Variants in CASZ1 observed in about 807,000 individuals in gnomAD.
CASZ1 encodes castor zinc finger 1, also known as zinc finger protein castor homolog 1.
A neutral mutation model predicts 135.2 loss-of-function variants in CASZ1; 28 were observed. The observed-to-expected ratio is 0.21, with a 90% CI of 0.15 to 0.28. CASZ1 has a LOEUF of 0.28. Among genes scored for constraint, CASZ1 ranks in the 10% least tolerant of loss-of-function variants. The pLI is 1.00. For synonymous variants in CASZ1, 1,068 were observed against 1,073.4 expected, an observed-to-expected ratio of 0.99 and a Z score of 0.10; for missense variants, 2,161 against 2,453.3, an observed-to-expected ratio of 0.88 and a Z score of 2.52.
At position 10,655,759 on chromosome 1, in the gene CASZ1, C is replaced by A. The variant is rs749998383; in HGVS notation, c.1555G>T (p.Asp519Tyr). The A allele has an allele frequency of 6.2e-7, 1 of 1,614,212 alleles. No homozygotes were observed. Among genetic ancestry groups the A allele is most frequent in the Admixed American group, 1.7e-5 (1 of 60,034 alleles). The part of the protein sequence containing the change: ...IRHYNMHKKR[D>Y]NSLQHGFMRF... ...ATGAAGCCGTGCTGCAGGGAGTTGT[C>A]GCGCTTCTTGTGCATGTTGTAGTGG... Residue 519 changes from aspartate to tyrosine, a missense_variant, in exon 9 of 21, where the codon GAC becomes TAC. By Grantham distance (160) the Asp-to-Tyr change is radical (BLOSUM62 -3). Around this residue, in one of 7 missense-constraint regions of CASZ1, gnomAD observed 248 missense variants for 410.8 expected, o/e 0.60. Transcript: ENST00000377022.
At chr1:10,663,859 C>G (rs966185764) in intron 5 of CASZ1, among the ~76,000 whole-genome samples, 46 of 152,224 alleles carry the variant, frequency 3.0e-4, no homozygotes, top group Non-Finnish European at 8.8e-5. Flanking sequence ...GCTCTCCACT[C>G]CTCTGGGGGA....
chr1:10,648,900 T>C, intron 15 of CASZ1, 170 bp downstream of exon 15: 2 of 853,334 alleles, frequency 2.3e-6, no homozygotes, highest in Non-Finnish European at 3.5e-6. Context: ...GAGGGCTGCA[T>C]GTGTGAAGGA....
At position 10,755,309 on chromosome 1, in the gene CASZ1, G is replaced by T. The variant is rs1162751845; in HGVS notation, c.-77+5392C>A. On this transcript the variant is annotated intron_variant, in intron 2 of 20. Coordinates refer to ENST00000377022, the MANE Select transcript of CASZ1 (RefSeq NM_001079843.3). The surrounding 1 kb of genome is among the most constrained non-coding windows in gnomAD (Gnocchi z 4.3). ...CCTGGCAGGAGACCGGAGAGGAGGAGCTTGAAGGTCTACACGAGGAGATGA... is the reference window on the plus strand; with the variant it reads ...CCTGGCAGGAGACCGGAGAGGAGGATCTTGAAGGTCTACACGAGGAGATGA... 6.6e-6 allele frequency among the ~76,000 whole-genome samples: 1 copy of T among 152,172 alleles called. No individual in the cohort carries two copies. The highest frequency in any genetic ancestry group is 2.4e-5 in the African/African-American group (1 of 41,440).
chr1:10,647,418 C>G lies in CASZ1; in HGVS notation c.3497+383G>C. 8.9e-7 allele frequency: 1 copy of G among 1,121,254 alleles called. No homozygotes were observed. Among genetic ancestry groups the G allele is most frequent in the Non-Finnish European group, 1.1e-6 (1 of 911,828 alleles). 69.5% of individuals were successfully genotyped at this position (1,121,254 alleles called of 1,614,324 possible). On this transcript the variant is annotated intron_variant, in intron 16 of 20. Transcript: ENST00000377022. The surrounding 1 kb of genome is among the most constrained non-coding windows in gnomAD (Gnocchi z 4.9). The stretch of plus-strand genomic sequence containing the variant: ...TTCACGTGCCCTGCAGAGATTCAGC[C>G]ATGGGTGTGAGCCACAGAGGAGGCC...
chr1:10,667,417 C>G (rs1643269675), intron 4 of CASZ1, among the ~76,000 whole-genome samples: 1 of 152,222 alleles, frequency 6.6e-6, no homozygotes, highest in South Asian at 2.1e-4. Flanking sequence ...CAAGCCGATG[C>G]CCACTCTACC....
At chr1:10,692,560 G>A (rs183952496) in intron 4 of CASZ1, among the ~76,000 whole-genome samples, 16 of 152,306 alleles carry the variant, frequency 1.1e-4, no homozygotes, top group Admixed American at 5.2e-4. Flanking sequence ...CCAGCAGGGG[G>A]TGTCACACCC....
chr1:10,662,952 C>T (rs1281941142), intron 5 of CASZ1, among the ~76,000 whole-genome samples: 5 of 152,228 alleles, frequency 3.3e-5, no homozygotes, highest in South Asian at 2.1e-4. Flanking sequence ...ACCCCATGGC[C>T]GAGCCGTGAC....
intron 4 of CASZ1, among the ~76,000 whole-genome samples, chr1:10,681,092 G>C (rs571907290): frequency 3.9e-5 from 6 of 152,266 alleles, no homozygotes; most frequent in African/African-American, 1.4e-4. Flanking sequence ...GTAGAGACGG[G>C]GTTTCGCCAT....
rs770262844 is a variant in CASZ1 at position 10,693,863 on chromosome 1, C to A, written c.16+11G>T. 1.2e-6 allele frequency: 2 copies of A among 1,612,870 alleles called. No homozygotes were observed. The highest frequency in any genetic ancestry group is 1.7e-6 in the Non-Finnish European group (2 of 1,179,130). ...TGAAAGAGCCGCCCCTGCGTTCCCA[C>A]CGGCCGGTACCTGTTCCAAGATCCA... On this transcript the variant is annotated intron_variant, in intron 4 of 20. Transcript: ENST00000377022.
At chr1:10,728,095 G>A (rs940816851) in intron 2 of CASZ1, among the ~76,000 whole-genome samples, 1 of 152,208 alleles carries the variant, frequency 6.6e-6, no homozygotes, top group African/African-American at 2.4e-5. Context: ...CTGGGTATGG[G>A]GCCTTCCAGT....
chr1:10,704,980 C>T (rs1639142009), intron 3 of CASZ1, among the ~76,000 whole-genome samples: 1 of 152,254 alleles, frequency 6.6e-6, no homozygotes, highest in East Asian at 1.9e-4. Flanking sequence ...GTGGCCTTCT[C>T]CCTGCCAGCC....
chr1:10,660,279 G>T lies in CASZ1; in HGVS notation c.763C>A (p.Pro255Thr). 6.2e-7 allele frequency: 1 copy of T among 1,613,910 alleles called. No homozygotes were observed. The highest frequency in any genetic ancestry group is 2.2e-5 in the East Asian group (1 of 44,876). ...TCCTCGGTCTTGGTGCTGGGGGCCG[G>T]CCAGGAGAGCTGCTCGCCAGCCTTG... is the stretch of plus-strand genomic sequence containing the variant. ...KLKAGEQLSWPAPSTKTEERV... is the reference protein window; with the variant it reads ...KLKAGEQLSWTAPSTKTEERV... The change falls in exon 6 of 21, where the codon CCG becomes ACG. Residue 255 changes from proline to threonine, a missense_variant. Physicochemically the swap from Pro to Thr is conservative, Grantham distance 38. Transcript: ENST00000377022.
At chr1:10,761,958 C>T (rs1202320135) in intron 1 of CASZ1, among the ~76,000 whole-genome samples, 1 of 152,194 alleles carries the variant, frequency 6.6e-6, no homozygotes, top group East Asian at 1.9e-4. Context: ...GCAGCAGCCA[C>T]AGCAGCTCTG....
At chr1:10,703,604 C>T (rs1297166440) in intron 3 of CASZ1, among the ~76,000 whole-genome samples, 7 of 152,092 alleles carry the variant, frequency 4.6e-5, no homozygotes, top group Non-Finnish European at 8.8e-5. Context: ...TGCCAGTCCA[C>T]GACCTGTGGG....
At chr1:10,790,536 C>T (rs1223996735) in intron 1 of CASZ1, among the ~76,000 whole-genome samples, 1 of 152,228 alleles carries the variant, frequency 6.6e-6, no homozygotes, top group Admixed American at 6.5e-5. Flanking sequence ...GGAGTCTCAG[C>T]ATCAGACTGG....
In CASZ1 at chr1:10,706,659, TAAG is replaced by T. The variant is rs1016167609; in HGVS notation, c.-76-1118_-76-1116del. Among the ~76,000 whole-genome samples, 6 of 152,260 alleles carry T rather than the reference TAAG, an allele frequency of 3.9e-5. No homozygotes were observed. The highest frequency in any genetic ancestry group is 2.0e-4 in the Admixed American group (3 of 15,310). On this transcript the variant is annotated intron_variant, in intron 2 of 20. Transcript: ENST00000377022. The surrounding 1 kb of genome is among the most constrained non-coding windows in gnomAD (Gnocchi z 4.3). ...GCTAATTGTACTTGACACGTCCTCTTAAGGAGGGCTCGGCTCTCCACCAGCTTT... is the reference window on the plus strand; with the variant it reads ...GCTAATTGTACTTGACACGTCCTCTTGAGGGCTCGGCTCTCCACCAGCTTT...
chr1:10,648,226 C>T, intron 15 of CASZ1, 87 bp from the exon 16 acceptor site: 3 of 968,208 alleles, frequency 3.1e-6, no homozygotes, highest in Admixed American at 2.9e-5. Context: ...CAGGCCTAGA[C>T]CCCGGTGTCC....
Position 10,725,730 on chromosome 1 carries a change from T to TA in CASZ1, c.-76-20187dup, listed in dbSNP as rs1341288900. Among the ~76,000 whole-genome samples the TA allele has an allele frequency of 4.0e-5, 6 of 151,362 alleles. No individual in the cohort carries two copies. The highest frequency in any genetic ancestry group is 6.6e-5 in the Admixed American group (1 of 15,226). ...TTCTGGAAAGCCCTTTTTTTTTTTT[T>TA]ACTAGGAGACCCCAGAGAGGATGAT... is the stretch of plus-strand genomic sequence containing the variant. On this transcript the variant is annotated intron_variant, in intron 2 of 20. Coordinates refer to ENST00000377022, the MANE Select transcript of CASZ1 (RefSeq NM_001079843.3). The surrounding 1 kb of genome is among the most constrained non-coding windows in gnomAD (Gnocchi z 4.4).
intron 18 of CASZ1, among the ~76,000 whole-genome samples, chr1:10,643,600 G>A (rs891214476): frequency 2.6e-5 from 4 of 152,206 alleles, no homozygotes; most frequent in Non-Finnish European, 5.9e-5. Context: ...ACAGTTCCAA[G>A]GCAAGGGACC....
Sources: allele counts gnomAD v4.1 joint callset (sites outside exome capture counted in the v4.1 genomes callset), GRCh38; gene constraint gnomAD v4.1.1; regional missense constraint gnomAD v4.1.1; non-coding constraint Gnocchi (gnomAD v3.1); transcripts MANE v1.5; gene names NCBI Gene and HGNC (gene_info 2026-07-23, HGNC 2026-07-21).